The following BPIFB3 variants were observed in gnomAD, a reference collection of about 807,000 sequenced individuals.
BPIFB3 encodes BPI fold containing family B member 3, also known as BPI fold-containing family B member 3.
A neutral mutation model predicts 53.1 loss-of-function variants in BPIFB3; 49 were observed. The observed-to-expected ratio is 0.92, with a 90% confidence interval of 0.73 to 1.17. The LOEUF is 1.17. Ranked by LOEUF, BPIFB3 falls within the 50% of genes most tolerant of loss-of-function variation. The pLI is 0.00. For missense variants in BPIFB3, 628 were observed against 592.5 expected (o/e 1.06, Z -0.62); for synonymous variants, 271 against 269.6 (o/e 1.01, Z -0.05).
intron 12 of BPIFB3, 29 bp downstream of exon 13, chr20:33,071,324 G>A (rs2146393293): frequency 1.3e-6 from 2 of 1,553,738 alleles, no homozygotes; most frequent in African/African-American, 1.4e-5. Context: ...GAGGGGCTTG[G>A]CAGTGATGAG....
intron 12 of BPIFB3, among the ~76,000 whole-genome samples, chr20:33,071,689 G>A (rs796240793): frequency 1.5e-4 from 23 of 152,236 alleles, no homozygotes; most frequent in African/African-American, 5.3e-4. Flanking sequence ...TTCTTACAGA[G>A]TTCTGAGGTT....
chr20:33,069,939 T>C (rs1168962854), exon 11 of BPIFB3: 1 of 1,614,182 alleles, frequency 6.2e-7, no homozygotes, highest in Non-Finnish European at 8.5e-7. Flanking sequence ...GCTGCACATC[T>C]CCCTGTCCCT....
exon 6 of BPIFB3, chr20:33,063,628 T>G (rs1484488104): frequency 6.2e-7 from 1 of 1,614,066 alleles, no homozygotes; most frequent in Non-Finnish European, 8.5e-7. Flanking sequence ...TGCCCCGTGG[T>G]GGACAGTGTG....
chr20:33,061,337 A>ATCATTCATTCATTCAT (rs4012503), intron 4 of BPIFB3, among the ~76,000 whole-genome samples: 1 of 151,152 alleles, frequency 6.6e-6, no homozygotes, highest in Non-Finnish European at 1.5e-5. Flanking sequence ...TCCTCAGGCC[A>ATCATTCATTCATTCAT]TCATTCATTC....
rs925487168 is a variant in BPIFB3 at position 33,064,551 on chromosome 20, G to A, written c.744+3G>A. 1.9e-6 allele frequency: 3 copies of A among 1,613,684 alleles called. No homozygotes were observed. Among genetic ancestry groups the A allele is most frequent in the African/African-American group, 2.7e-5 (2 of 74,880 alleles). On this transcript the variant is annotated splice_donor_region_variant and intron_variant, in intron 7 of 14. Coordinates refer to ENST00000375494, the Ensembl canonical transcript of BPIFB3. ...AGTACATAGAACTGGACATCAACGTGAGTAACCAGAGGGGCCTCTCCTCCT... is the reference window on the plus strand; with the variant it reads ...AGTACATAGAACTGGACATCAACGTAAGTAACCAGAGGGGCCTCTCCTCCT...
intron 5 of BPIFB3, among the ~76,000 whole-genome samples, chr20:33,062,368 A>G (rs1980495941): frequency 6.6e-6 from 1 of 152,170 alleles, no homozygotes; most frequent in Non-Finnish European, 1.5e-5. Context: ...ATAGACAGCA[A>G]AGGGCAGTCA....
intron 4 of BPIFB3, 31 bp from the exon 6 acceptor site, chr20:33,061,737 G>GCCGCACC (rs1568993822): frequency 6.2e-7 from 1 of 1,611,006 alleles, no homozygotes; most frequent in Non-Finnish European, 8.5e-7. Flanking sequence ...CCACCTGGCA[G>GCCGCACC]CCGCACCCAC....
chr20:33,072,034 A>G, intron 12 of BPIFB3, 70 bp from the exon 14 acceptor site: 1 of 1,525,952 alleles, frequency 6.6e-7, no homozygotes. Context: ...CTCCCTGGGA[A>G]CGGGATGCTG....
At chr20:33,056,828 A>G in intron 2 of BPIFB3, 130 bp downstream of exon 3, 1 of 1,149,364 alleles carries the variant, frequency 8.7e-7, no homozygotes, top group Non-Finnish European at 1.2e-6. Context: ...ATCCGGGTCT[A>G]AAAATGATGA....
chr20:33,061,705 C>T lies in BPIFB3; in HGVS notation c.528-63C>T, dbSNP rs2146384007. 6 of 1,527,452 alleles carry T rather than the reference C, an allele frequency of 3.9e-6. No individual in the cohort carries two copies. In the Admixed American group the frequency reaches 8.5e-5, roughly 22 times the overall value. 94.6% of individuals were successfully genotyped at this position (1,527,452 alleles called of 1,614,324 possible). A position where few individuals can be genotyped will look rare whatever the true frequency, so the allele number is the denominator to read the frequency against. On this transcript the variant is annotated intron_variant, in intron 4 of 14. Coordinates refer to ENST00000375494, the Ensembl canonical transcript of BPIFB3. Reference sequence around the variant, plus strand: ...CCAGAGCCCCTAGTGTCCGCCCGACCCTGTCATCTGGGTTGAACCGTCCAC... The same window carrying T: ...CCAGAGCCCCTAGTGTCCGCCCGACTCTGTCATCTGGGTTGAACCGTCCAC...
intron 4 of BPIFB3, among the ~76,000 whole-genome samples, chr20:33,060,299 C>T (rs1486196905): frequency 2.0e-5 from 3 of 152,354 alleles, no homozygotes; most frequent in Admixed American, 6.5e-5. Flanking sequence ...GTCCCCTCTC[C>T]GCCAGAGCGG....
Position 33,060,585 on chromosome 20 carries a change from C to T in BPIFB3, c.527+554C>T, listed in dbSNP as rs534318951. On this transcript the variant is annotated intron_variant, in intron 4 of 14. Transcript: ENST00000375494. ...TTTTCTTTTTCTTTTTCTTTTTTTT[C>T]CTGAGGCAGAGTCTCACTCTTTCAC... Among the ~76,000 whole-genome samples the T allele has an allele frequency of 9.6e-3, 1,455 of 151,578 alleles. 18 individuals carry two copies. Among genetic ancestry groups the T allele is most frequent in the African/African-American group, 0.034 (1,399 of 41,314 alleles).
chr20:33,059,465 G>C (rs1181788723), exon 3 of BPIFB3: 5 of 1,611,396 alleles, frequency 3.1e-6, no homozygotes, highest in Non-Finnish European at 4.2e-6. Context: ...ACACCAAAGT[G>C]GGCATGCATT....
At chr20:33,066,733 G>A in intron 8 of BPIFB3, 91 bp from the exon 10 acceptor site, 1 of 1,223,384 alleles carries the variant, frequency 8.2e-7, no homozygotes, top group South Asian at 1.2e-5. Flanking sequence ...AGGGTAGGGG[G>A]AAGAGTGGTG....
At chr20:33,071,203 G>T in intron 11 of BPIFB3, 50 bp from the exon 13 acceptor site, 2 of 1,534,102 alleles carry the variant, frequency 1.3e-6, no homozygotes, top group South Asian at 2.4e-5. Context: ...GGGTGGGACA[G>T]GGGTGGTTGG....
intron 5 of BPIFB3, among the ~76,000 whole-genome samples, chr20:33,062,138 C>T (rs548495765): frequency 1.3e-5 from 2 of 152,250 alleles, no homozygotes; most frequent in Admixed American, 6.5e-5. Context: ...TTTAAATTAG[C>T]GTGAAATGAA....
upstream of BPIFB3, chr20:33,055,395 CAG>C: frequency 4.3e-6 from 7 of 1,611,036 alleles, no homozygotes; most frequent in Non-Finnish European, 5.9e-6. Context: ...AGAAGGGTCT[CAG>C]AGTTCCTCCT....
intron 1 of BPIFB3, 76 bp downstream of exon 2, chr20:33,055,623 CTTT>C: frequency 6.3e-7 from 1 of 1,592,768 alleles, no homozygotes. Flanking sequence ...AGAGCATCTG[CTTT>C]AAGAGCAGAT....
chr20:33,060,159 C>T, intron 4 of BPIFB3, 128 bp downstream of exon 5: 1 of 1,300,206 alleles, frequency 7.7e-7, no homozygotes. Context: ...CCCTGCTTGT[C>T]CCGCCGGTTT....
Sources: allele counts gnomAD v4.1 joint callset (sites outside exome capture counted in the v4.1 genomes callset), GRCh38; gene constraint gnomAD v4.1.1; transcripts MANE v1.5; gene names NCBI Gene and HGNC (gene_info 2026-07-23, HGNC 2026-07-21).